The following NID1 variants were observed in gnomAD, a reference collection of about 807,000 sequenced individuals.
NID1 encodes nidogen-1.
NID1 carries 76 observed loss-of-function variants against 130.6 expected under a neutral mutation model. The ratio of observed to expected loss-of-function variants is 0.58; its 90% confidence interval spans 0.48 to 0.70. NID1 has a LOEUF of 0.70. Among genes scored for constraint, NID1 ranks in the 30% least tolerant of loss-of-function variants. NID1 has a pLI of 0.00. For missense variants in NID1, 1,517 were observed against 1,664.8 expected (o/e 0.91, Z 1.54); for synonymous variants, 665 against 675.1 (o/e 0.98, Z 0.23).
chr1:235,998,777 T>C (rs1005852357), intron 12 of NID1, among the ~76,000 whole-genome samples: 1 of 152,232 alleles, frequency 6.6e-6, no homozygotes, highest in Non-Finnish European at 1.5e-5. Flanking sequence ...ATATAAGCTG[T>C]TTCCATTCAC....
In NID1 at chr1:236,051,712, G is replaced by A. The variant is rs192300344; in HGVS notation, c.226-2723C>T. Among the ~76,000 whole-genome samples, 164 of 152,306 alleles carry A rather than the reference G, an allele frequency of 1.1e-3. 1 individual carries two copies. The highest frequency in any genetic ancestry group is 3.8e-3 in the African/African-American group (160 of 41,562). On this transcript the variant is annotated intron_variant, in intron 1 of 19. Transcript: ENST00000264187. Reference sequence around the variant, plus strand: ...CCAGGGAGCTGCCGTGTGGGAGCGTGGGAAACGGCTCACTCTCTCGAGCCG... The same window carrying A: ...CCAGGGAGCTGCCGTGTGGGAGCGTAGGAAACGGCTCACTCTCTCGAGCCG...
At position 235,979,900 on chromosome 1, in the gene NID1, C is replaced by T. The variant is rs375292088; in HGVS notation, c.3431G>A (p.Arg1144His). Residue 1144 changes from arginine (R) to histidine (H), a missense_variant, in exon 18 of 20, where the codon CGC (arginine) becomes CAC (histidine). Arg to His is a conservative substitution (Grantham distance 29). Coordinates refer to ENST00000264187, the MANE Select transcript of NID1 (RefSeq NM_002508.3). This position sits in a 1 kb window ranked among gnomAD's most constrained non-coding sequence, Gnocchi z 4.6. ...ATACTGGAGCCCTTCGAGAGCCTTG[C>T]GTCTGCTGGGCTGACTGGGGTTCAG... ...ECLNPSQPSR[R>H]KALEGLQYPF... 11 of 1,613,964 alleles carry T rather than the reference C, an allele frequency of 6.8e-6. 1 individual carries two copies. In the Middle Eastern group the frequency reaches 6.6e-4, roughly 96 times the overall value.
At chr1:236,015,321 G>T (rs1420055356) in intron 10 of NID1, among the ~76,000 whole-genome samples, 1 of 152,152 alleles carries the variant, frequency 6.6e-6, no homozygotes, top group Non-Finnish European at 1.5e-5. Flanking sequence ...GAGTCTCAAA[G>T]GAGCCAATTA....
In NID1 at chr1:235,980,262, AATT is replaced by A. The variant is rs1657398337; in HGVS notation, c.3385+231_3385+233del. Among the ~76,000 whole-genome samples, 3 of 152,284 alleles carry A rather than the reference AATT, an allele frequency of 2.0e-5. No homozygotes were observed. The South Asian group carries it at 6.2e-4, about 32-fold the overall frequency. On this transcript the variant is annotated intron_variant, in intron 17 of 19. Coordinates refer to ENST00000264187, the MANE Select transcript of NID1 (RefSeq NM_002508.3). ...CTTTTTCTTAAAGCACCAGATAGTA[AATT>A]ATTTCAGGTTTTGCAGGCCAGGAGG...
intron 6 of NID1, among the ~76,000 whole-genome samples, chr1:236,032,002 G>T (rs1659113010): frequency 6.6e-6 from 1 of 152,104 alleles, no homozygotes; most frequent in Non-Finnish European, 1.5e-5. Context: ...AGGTTGGTTT[G>T]GAATTCAGAG....
intron 1 of NID1, among the ~76,000 whole-genome samples, chr1:236,052,694 G>T (rs1414643045): frequency 6.6e-6 from 1 of 152,158 alleles, no homozygotes. Context: ...TGAGTACTCT[G>T]GTTTCCTTCC....
At chr1:236,009,286 C>T (rs754106012) in intron 12 of NID1, among the ~76,000 whole-genome samples, 1 of 152,130 alleles carries the variant, frequency 6.6e-6, no homozygotes, top group Non-Finnish European at 1.5e-5. Flanking sequence ...GATGTCTGGC[C>T]GTCTGTGAAC....
At chr1:236,023,386 C>T (rs1440672988) in intron 9 of NID1, among the ~76,000 whole-genome samples, 1 of 152,190 alleles carries the variant, frequency 6.6e-6, no homozygotes, top group East Asian at 1.9e-4. Context: ...TATGATTCCA[C>T]ATATGCAATC....
Position 236,012,031 on chromosome 1 carries a change from C to A in NID1, c.2417G>T (p.Cys806Phe). Residue 806 changes from cysteine to phenylalanine, a missense_variant, in exon 12 of 20, where the codon TGC (cysteine) becomes TTC (phenylalanine). Cys to Phe is a radical substitution (Grantham distance 205). Coordinates refer to ENST00000264187, the MANE Select transcript of NID1 (RefSeq NM_002508.3). ...DGQACQDVDECQPSRCHPDAF... is the reference protein window; with the variant it reads ...DGQACQDVDEFQPSRCHPDAF... ...GTCAGGGTGACATCGGCTTGGCTGGCATTCATCTACATCTGTAAAACAGCC... is the reference window on the plus strand; with the variant it reads ...GTCAGGGTGACATCGGCTTGGCTGGAATTCATCTACATCTGTAAAACAGCC... 6.2e-7 allele frequency: 1 copy of A among 1,613,512 alleles called. No individual in the cohort carries two copies.
chr1:236,047,293 C>T (rs1364770613), intron 2 of NID1, among the ~76,000 whole-genome samples: 1 of 152,172 alleles, frequency 6.6e-6, no homozygotes, highest in Admixed American at 6.5e-5. Context: ...TTGTGGTACA[C>T]ACTTTAGGAA....
chr1:236,035,097 C>CTCGTCAT (rs1157635107), intron 5 of NID1, among the ~76,000 whole-genome samples: 1 of 140,434 alleles, frequency 7.1e-6, no homozygotes, highest in East Asian at 2.1e-4. Flanking sequence ...CACCCACTAA[C>CTCGTCAT]TCGTCATCTA....
At chr1:236,007,246 G>T (rs1161449729) in intron 12 of NID1, among the ~76,000 whole-genome samples, 3 of 152,102 alleles carry the variant, frequency 2.0e-5, no homozygotes. Context: ...GTTGTCCAGG[G>T]TGTTCTTAAA....
chr1:235,983,214 C>T lies in NID1; in HGVS notation c.3056-1432G>A, dbSNP rs148311752. On this transcript the variant is annotated intron_variant, in intron 15 of 19. Coordinates refer to ENST00000264187, the MANE Select transcript of NID1 (RefSeq NM_002508.3). ...TCTGTGGACATACAAGCAGTGCAGACCCTCAGCCCCCTTTGCATTAGCCTT... is the reference window on the plus strand; with the variant it reads ...TCTGTGGACATACAAGCAGTGCAGATCCTCAGCCCCCTTTGCATTAGCCTT... 5.0e-3 allele frequency among the ~76,000 whole-genome samples: 762 copies of T among 152,274 alleles called. 10 individuals are homozygous for T. In the Middle Eastern group the frequency reaches 0.054, roughly 11 times the overall value.
rs574303310 is a variant in NID1, at chr1:235,976,851, A to G, written c.*1016T>C. 1 of 152,330 alleles carries G rather than the reference A, an allele frequency of 6.6e-6. No homozygotes were observed. Among genetic ancestry groups the G allele is most frequent in the East Asian group, 1.9e-4 (1 of 5,186 alleles). 9.4% of individuals were successfully genotyped at this position (152,330 alleles called of 1,614,324 possible). On this transcript the variant is annotated 3_prime_UTR_variant, in exon 20 of 20. Transcript: ENST00000264187. ...GAGGGGTGAGGTCATGGTTGAGTGT[A>G]AATTGGTTCTGTCATGTGGAGGCCG...
At chr1:236,021,475 T>A (rs1431129826) in intron 9 of NID1, among the ~76,000 whole-genome samples, 2 of 152,212 alleles carry the variant, frequency 1.3e-5, no homozygotes, top group Non-Finnish European at 2.9e-5. Flanking sequence ...AGGTTCACTA[T>A]GAAGCCAACA....
intron 16 of NID1, among the ~76,000 whole-genome samples, chr1:235,981,067 G>A (rs1180352182): frequency 1.3e-5 from 2 of 152,236 alleles, no homozygotes; most frequent in African/African-American, 2.4e-5. Context: ...CAAAGTACCT[G>A]CCTTCAAGGA....
intron 4 of NID1, among the ~76,000 whole-genome samples, chr1:236,038,924 A>ATG (rs1409637825): frequency 3.5e-5 from 5 of 142,154 alleles, no homozygotes; most frequent in Non-Finnish European, 7.5e-5. Context: ...TATTACATAT[A>ATG]TGTAATATAT....
chr1:236,048,192 G>A (rs555292151), intron 2 of NID1, among the ~76,000 whole-genome samples: 12 of 150,440 alleles, frequency 8.0e-5, no homozygotes, highest in African/African-American at 2.4e-4. Context: ...AAAACCAGCC[G>A]GGCGTGGTGG....
chr1:236,061,961 C>T (rs1044394966), intron 1 of NID1, among the ~76,000 whole-genome samples: 1 of 152,184 alleles, frequency 6.6e-6, no homozygotes, highest in Non-Finnish European at 1.5e-5. Flanking sequence ...TCGGAACCCT[C>T]ATATATTGTT....
Sources: allele counts gnomAD v4.1 joint callset (sites outside exome capture counted in the v4.1 genomes callset), GRCh38; gene constraint gnomAD v4.1.1; non-coding constraint Gnocchi (gnomAD v3.1); transcripts MANE v1.5; gene names NCBI Gene and HGNC (gene_info 2026-07-23, HGNC 2026-07-21).